TMEM132B: variants seen among roughly 807,000 people sequenced by gnomAD.
TMEM132B encodes the protein transmembrane protein 132B.
Under a neutral mutation model 90.8 loss-of-function variants are expected in TMEM132B, and 18 were observed. The observed-to-expected ratio is 0.20, with a 90% CI of 0.14 to 0.29. TMEM132B has a LOEUF of 0.29. TMEM132B is among the 10% of genes least tolerant of loss of function. The pLI, the probability that TMEM132B is intolerant of heterozygous loss-of-function variation, is 1.00. For synonymous variants in TMEM132B, 504 were observed against 523.3 expected (o/e 0.96, Z 0.50); for missense variants, 1,096 against 1,326.8 (o/e 0.83, Z 2.70).
At chr12:125,494,233 G>A (rs534117262) in intron 3 of TMEM132B, among the ~76,000 whole-genome samples, 9 of 101,560 alleles carry the variant, frequency 8.9e-5, no homozygotes, top group East Asian at 6.5e-4. Flanking sequence ...CTCCTCCCTG[G>A]AAATGGCCGT....
intron 1 of TMEM132B, among the ~76,000 whole-genome samples, chr12:125,262,579 C>G (rs890488319): frequency 2.0e-5 from 3 of 152,206 alleles, no homozygotes; most frequent in Admixed American, 6.5e-5. Flanking sequence ...CCACCACCCC[C>G]TCTTGTCTAC....
intron 1 of TMEM132B, among the ~76,000 whole-genome samples, chr12:125,212,620 G>T (rs1176784132): frequency 6.6e-6 from 1 of 152,110 alleles, no homozygotes; most frequent in Non-Finnish European, 1.5e-5. Context: ...CTTGAATCCG[G>T]GAGGTGGAGG....
chr12:125,272,795 C>T (rs1302736875), intron 1 of TMEM132B, among the ~76,000 whole-genome samples: 2 of 152,188 alleles, frequency 1.3e-5, no homozygotes, highest in Non-Finnish European at 2.9e-5. Context: ...TGTGGCCTTG[C>T]CTGGCAGGTC....
chr12:125,638,656 G>C (rs559481316), intron 5 of TMEM132B, among the ~76,000 whole-genome samples: 1 of 151,960 alleles, frequency 6.6e-6, no homozygotes, highest in Non-Finnish European at 1.5e-5. Flanking sequence ...CAGAGGGGTC[G>C]TGAGGGAAGC....
At chr12:125,297,000 G>A (rs773784271) in intron 1 of TMEM132B, among the ~76,000 whole-genome samples, 1 of 152,346 alleles carries the variant, frequency 6.6e-6, no homozygotes, top group Non-Finnish European at 1.5e-5. Context: ...GAGTGAGCTC[G>A]TCCATCCGTC....
intron 1 of TMEM132B, among the ~76,000 whole-genome samples, chr12:125,330,520 AACTT>A (rs1452340032): frequency 1.3e-5 from 2 of 152,228 alleles, no homozygotes; most frequent in South Asian, 2.1e-4. Flanking sequence ...ACATTTAAAA[AACTT>A]AATCACTAAT....
chr12:125,195,441 C>G (rs898737293), intron 1 of TMEM132B, among the ~76,000 whole-genome samples: 2 of 141,540 alleles, frequency 1.4e-5, no homozygotes, highest in African/African-American at 5.3e-5. Flanking sequence ...TCTTGTTGCC[C>G]AGGCTGGAGT....
At chr12:125,601,703 G>C (rs1254039545) in intron 5 of TMEM132B, among the ~76,000 whole-genome samples, 1 of 151,884 alleles carries the variant, frequency 6.6e-6, no homozygotes, top group Admixed American at 6.6e-5. Context: ...AATTAAATTA[G>C]ATAGACCACT....
chr12:125,442,648 G>A (rs1424703842), intron 3 of TMEM132B, among the ~76,000 whole-genome samples: 2 of 152,306 alleles, frequency 1.3e-5, no homozygotes, highest in East Asian at 3.9e-4. Flanking sequence ...AAAAAGATAA[G>A]AGAAGATGCT....
chr12:125,243,010 C>CATATATATATATATATATATATAT (rs763167605), intron 1 of TMEM132B, among the ~76,000 whole-genome samples: 1 of 109,354 alleles, frequency 9.1e-6, no homozygotes, highest in Non-Finnish European at 1.8e-5. Flanking sequence ...TCTCTTTCTT[C>CATATATATATATATATATATATAT]ATATATATAT....
intron 4 of TMEM132B, among the ~76,000 whole-genome samples, chr12:125,562,309 A>G (rs1449816009): frequency 6.6e-6 from 1 of 152,214 alleles, no homozygotes; most frequent in Admixed American, 6.5e-5. Flanking sequence ...TCAAACTTCT[A>G]TCCAGACCAC....
chr12:125,609,816 CAAAAAAAAAAA>C lies in TMEM132B; in HGVS notation c.1437+25841_1437+25851del, dbSNP rs763840695. ...TGGGCGACAGAGTGAGACTCTGTCT[CAAAAAAAAAAA>C]AAAAAAAAAAAAAAAAAAGAATATT... On this transcript the variant is annotated intron_variant, in intron 5 of 8. Coordinates refer to ENST00000682704, the MANE Select transcript of TMEM132B (RefSeq NM_001366854.1). Among the ~76,000 whole-genome samples, 8 of 39,436 alleles carry C rather than the reference CAAAAAAAAAAA, an allele frequency of 2.0e-4. 1 individual carries two copies. The Admixed American group carries it at 2.6e-3, about 13-fold the overall frequency. 25.9% of individuals were successfully genotyped at this position (39,436 alleles called of 152,430 possible).
chr12:125,635,157 A>G (rs950847731), intron 5 of TMEM132B, among the ~76,000 whole-genome samples: 1 of 152,164 alleles, frequency 6.6e-6, no homozygotes, highest in Non-Finnish European at 1.5e-5. Context: ...TAATTTATTT[A>G]TTTATACTTT....
At chr12:125,334,657 G>A (rs991375881) in intron 1 of TMEM132B, among the ~76,000 whole-genome samples, 2 of 152,164 alleles carry the variant, frequency 1.3e-5, no homozygotes, top group African/African-American at 4.8e-5. Flanking sequence ...ACCTATACTC[G>A]CTTTGAGTCT....
chr12:125,405,901 A>G (rs1319238383), intron 2 of TMEM132B, among the ~76,000 whole-genome samples: 1 of 152,182 alleles, frequency 6.6e-6, no homozygotes. Context: ...TGGCGCTAGG[A>G]TGCACATGGC....
intron 4 of TMEM132B, among the ~76,000 whole-genome samples, chr12:125,551,924 A>G (rs186174051): frequency 7.9e-4 from 120 of 152,262 alleles, no homozygotes; most frequent in African/African-American, 2.7e-3. Context: ...GTGATCTCTT[A>G]TGGTCTAGGC....
intron 1 of TMEM132B, among the ~76,000 whole-genome samples, chr12:125,235,401 GATTATC>G (rs1873911250): frequency 6.6e-6 from 1 of 150,818 alleles, no homozygotes; most frequent in Non-Finnish European, 1.5e-5. Context: ...CCAGCTGGCT[GATTATC>G]CACCTGTGGG....
At chr12:125,564,164 G>C (rs1884608337) in intron 4 of TMEM132B, among the ~76,000 whole-genome samples, 1 of 152,182 alleles carries the variant, frequency 6.6e-6, no homozygotes, top group Admixed American at 6.5e-5. Context: ...ATTAATTTGA[G>C]TCCTGAAACA....
chr12:125,200,678 C>T (rs1446659895), intron 1 of TMEM132B, among the ~76,000 whole-genome samples: 3 of 152,144 alleles, frequency 2.0e-5, no homozygotes, highest in Non-Finnish European at 2.9e-5. Context: ...GGTATGATTG[C>T]GTGATGGCAG....
Sources: allele counts gnomAD v4.1 joint callset (sites outside exome capture counted in the v4.1 genomes callset), GRCh38; gene constraint gnomAD v4.1.1; transcripts MANE v1.5; gene names NCBI Gene and HGNC (gene_info 2026-07-23, HGNC 2026-07-21).